Variants in LANCL3 observed in about 807,000 individuals in gnomAD.
The protein encoded by LANCL3 is lanC-like protein 3.
LANCL3 carries 19 observed loss-of-function variants against 26.5 expected under a neutral mutation model. That is an observed-to-expected ratio of 0.72 (90% CI 0.50 to 1.05). LANCL3 has a LOEUF of 1.05. Among genes scored for constraint, LANCL3 ranks in the 50% least tolerant of loss-of-function variants. LANCL3 has a pLI of 0.00. For missense variants in LANCL3, 318 were observed against 362.7 expected (o/e 0.88, Z 1.00); for synonymous variants, 160 against 166.6 (o/e 0.96, Z 0.30).
chrX:37,572,058 G>C lies in LANCL3; in HGVS notation c.188G>C (p.Gly63Ala), dbSNP rs1467442300. ...ACGGCGGGGGCTAGCGCCTGCCAGGGGGGGCTTTATGGCGGCGTGGCCGGA... is the reference window on the plus strand; with the variant it reads ...ACGGCGGGGGCTAGCGCCTGCCAGGCGGGGCTTTATGGCGGCGTGGCCGGA... Reference protein sequence around the residue: ...GATAGASACQGGLYGGVAGVA... With the variant: ...GATAGASACQAGLYGGVAGVA... Residue 63 changes from glycine (G) to alanine (A), a missense_variant, in exon 1 of 5, where the codon GGG (glycine) becomes GCG (alanine). Physicochemically the swap from Gly to Ala is moderately conservative, Grantham distance 60. Transcript: ENST00000378619. 2 of 1,181,594 alleles carry C rather than the reference G, an allele frequency of 1.7e-6. No individual in the cohort carries two copies. Among genetic ancestry groups the C allele is most frequent in the African/African-American group, 1.8e-5 (1 of 57,009 alleles).
chrX:37,639,258 C>CAT lies in LANCL3; in HGVS notation c.574-16422_574-16421dup, dbSNP rs782214661. Among the ~76,000 whole-genome samples, 5 of 100,382 alleles carry CAT rather than the reference C, an allele frequency of 5.0e-5. No individual in the cohort carries two copies. In the East Asian group the frequency reaches 9.5e-4, roughly 19 times the overall value. 87.2% of individuals were successfully genotyped at this position (100,382 alleles called of 115,157 possible). The stretch of plus-strand genomic sequence containing the variant: ...GTACCTACATACATATACACACATA[C>CAT]ATATATATACATACATGTATATATG... On this transcript the variant is annotated intron_variant, in intron 1 of 4. Coordinates refer to ENST00000378619, the MANE Select transcript of LANCL3 (RefSeq NM_001170331.2).
intron 1 of LANCL3, among the ~76,000 whole-genome samples, chrX:37,612,983 A>T (rs900041452): frequency 9.0e-6 from 1 of 110,695 alleles, no homozygotes; most frequent in Non-Finnish European, 1.9e-5. Flanking sequence ...GTTTCTATCA[A>T]TTTTTCTGCC....
chrX:37,633,229 C>G (rs1925589711), intron 1 of LANCL3, among the ~76,000 whole-genome samples: 1 of 110,678 alleles, frequency 9.0e-6, no homozygotes, highest in Non-Finnish European at 1.9e-5. Context: ...CACTGATACC[C>G]TTTCTTCCAG....
chrX:37,581,269 T>C (rs1923884985), intron 1 of LANCL3, among the ~76,000 whole-genome samples: 1 of 112,391 alleles, frequency 8.9e-6, no homozygotes, highest in Non-Finnish European at 1.9e-5. Flanking sequence ...ATACCAGCTC[T>C]CTGGTTTGTG....
chrX:37,647,584 C>T (rs1354981009), intron 1 of LANCL3, among the ~76,000 whole-genome samples: 1 of 112,065 alleles, frequency 8.9e-6, no homozygotes, highest in Non-Finnish European at 1.9e-5. Context: ...ATATCAGATT[C>T]TTACTCTGTT....
rs1327984629 is a variant in LANCL3 at position 37,681,758 on chromosome X, CTT to C, written c.*5947_*5948del. 2 of 111,445 alleles carry C rather than the reference CTT, an allele frequency of 1.8e-5. No individual in the cohort carries two copies. The highest frequency in any genetic ancestry group is 3.8e-5 in the Non-Finnish European group (2 of 53,105). 9.2% of individuals were successfully genotyped at this position (111,445 alleles called of 1,213,427 possible). On this transcript the variant is annotated 3_prime_UTR_variant, in exon 5 of 5. Coordinates refer to ENST00000378619, the MANE Select transcript of LANCL3 (RefSeq NM_001170331.2). Reference sequence around the variant, plus strand: ...CACAAGTGTCTCTCCATAAGAAAAACTTTGTGTTTTCCTCTCTTTCTCCACTC... The same window carrying C: ...CACAAGTGTCTCTCCATAAGAAAAACTGTGTTTTCCTCTCTTTCTCCACTC...
In LANCL3 at chrX:37,591,329, C is replaced by G. The variant is rs782033200; in HGVS notation, c.573+18886C>G. Reference sequence around the variant, plus strand: ...AGAATAGCCTGAACTCAACTCAACACTAGAAAGATTCAGGAATTAGAGGTT... The same window carrying G: ...AGAATAGCCTGAACTCAACTCAACAGTAGAAAGATTCAGGAATTAGAGGTT... On this transcript the variant is annotated intron_variant, in intron 1 of 4. Coordinates refer to ENST00000378619, the MANE Select transcript of LANCL3 (RefSeq NM_001170331.2). Among the ~76,000 whole-genome samples, 8 of 111,827 alleles carry G rather than the reference C, an allele frequency of 7.2e-5. No individual in the cohort carries two copies. In the South Asian group the frequency reaches 2.6e-3, roughly 37 times the overall value.
chrX:37,603,013 T>C (rs1273245807), intron 1 of LANCL3, among the ~76,000 whole-genome samples: 2 of 112,235 alleles, frequency 1.8e-5, no homozygotes, highest in East Asian at 5.6e-4. Flanking sequence ...AGACAAACTT[T>C]AATTTAGTTT....
intron 1 of LANCL3, among the ~76,000 whole-genome samples, chrX:37,610,306 C>G (rs1353181634): frequency 9.0e-6 from 1 of 111,674 alleles, no homozygotes; most frequent in Non-Finnish European, 1.9e-5. Flanking sequence ...AGCAAAAGTG[C>G]ATGACATTTC....
rs1046945617 is a variant in LANCL3 at position 37,682,767 on chromosome X, T to C, written c.*6954T>C. 11 of 112,280 alleles carry C rather than the reference T, an allele frequency of 9.8e-5. No individual in the cohort carries two copies. Among genetic ancestry groups the C allele is most frequent in the East Asian group, 8.3e-4 (3 of 3,618 alleles). The allele number at this position is 112,280 out of a possible 1,213,427, so 9.3% of individuals were successfully genotyped here. On this transcript the variant is annotated 3_prime_UTR_variant, in exon 5 of 5. Coordinates refer to ENST00000378619, the MANE Select transcript of LANCL3 (RefSeq NM_001170331.2). Reference sequence around the variant, plus strand: ...TACTGTAGCAGCAGTAGAATCCCTATGTTCTTGAAAATGCAAAATGTAACA... The same window carrying C: ...TACTGTAGCAGCAGTAGAATCCCTACGTTCTTGAAAATGCAAAATGTAACA...
At chrX:37,582,876 C>T (rs1175867419) in intron 1 of LANCL3, among the ~76,000 whole-genome samples, 4 of 112,083 alleles carry the variant, frequency 3.6e-5, no homozygotes, top group Non-Finnish European at 3.8e-5. Context: ...GTGTTTTAGA[C>T]ATGAAGTCCT....
In LANCL3 at chrX:37,572,055, AG is replaced by A. The variant is rs782221297; in HGVS notation, c.192del (p.Leu65PhefsTer129). ...GCGACGGCGGGGGCTAGCGCCTGCC[AG>A]GGGGGGCTTTATGGCGGCGTGGCCG... ...RGATAGASAC[Q>X]GGLYGGVAGV... On this transcript the variant is annotated frameshift_variant, in exon 1 of 5. Coordinates refer to ENST00000378619, the MANE Select transcript of LANCL3 (RefSeq NM_001170331.2). LOFTEE classifies it high-confidence loss of function. The A allele has an allele frequency of 2.1e-5, 25 of 1,179,136 alleles. No individual in the cohort carries two copies. Among genetic ancestry groups the A allele is most frequent in the South Asian group, 1.8e-5 (1 of 54,280 alleles).
Position 37,642,523 on chromosome X carries a change from G to T in LANCL3, c.574-13165G>T, listed in dbSNP as rs781953403. ...CATAGCTGCAGAATGCAAATTGGCT[G>T]CTACTACTTCAGGCCTCACATATAT... is the stretch of plus-strand genomic sequence containing the variant. On this transcript the variant is annotated intron_variant, in intron 1 of 4. Transcript: ENST00000378619. Among the ~76,000 whole-genome samples the T allele has an allele frequency of 9.9e-5, 11 of 111,476 alleles. 1 individual carries two copies. Among genetic ancestry groups the T allele is most frequent in the Admixed American group, 1.9e-4 (2 of 10,499 alleles).
chrX:37,592,580 G>T (rs1392609156), intron 1 of LANCL3, among the ~76,000 whole-genome samples: 1 of 111,693 alleles, frequency 9.0e-6, no homozygotes, highest in East Asian at 2.8e-4. Context: ...TTATTGAAAG[G>T]ACTGTTGAGA....
At chrX:37,574,523 A>G (rs1224248867) in intron 1 of LANCL3, among the ~76,000 whole-genome samples, 1 of 111,986 alleles carries the variant, frequency 8.9e-6, no homozygotes, top group African/African-American at 3.3e-5. Context: ...TATTGGGATT[A>G]GTGCAATATA....
intron 1 of LANCL3, among the ~76,000 whole-genome samples, chrX:37,619,899 A>G (rs1428315004): frequency 1.8e-5 from 2 of 112,093 alleles, no homozygotes; most frequent in Admixed American, 1.9e-4. Context: ...GCTTTTCTCT[A>G]TCCCAATCTA....
rs1369249277 is a variant in LANCL3 at position 37,682,745 on chromosome X, T to C, written c.*6932T>C. ...AATATTAAAGATGTCTTTTGAATAC[T>C]GTAGCAGCAGTAGAATCCCTATGTT... On this transcript the variant is annotated 3_prime_UTR_variant, in exon 5 of 5. Coordinates refer to ENST00000378619, the MANE Select transcript of LANCL3 (RefSeq NM_001170331.2). 8.9e-6 allele frequency: 1 copy of C among 112,450 alleles called. No homozygotes were observed. Among genetic ancestry groups the C allele is most frequent in the Non-Finnish European group, 1.9e-5 (1 of 53,325 alleles). The allele number at this position is 112,450 out of a possible 1,213,427, so 9.3% of individuals were successfully genotyped here. A position where few individuals can be genotyped will look rare whatever the true frequency, so the allele number is the denominator to read the frequency against.
intron 1 of LANCL3, among the ~76,000 whole-genome samples, chrX:37,628,372 G>C (rs1556423446): frequency 9.0e-6 from 1 of 110,914 alleles, no homozygotes; most frequent in African/African-American, 3.3e-5. Flanking sequence ...GAAAGGCTCA[G>C]AACTATCCTA....
Position 37,627,727 on chromosome X carries a change from T to C in LANCL3, c.574-27961T>C, listed in dbSNP as rs138767784. Among the ~76,000 whole-genome samples, 816 of 111,954 alleles carry C rather than the reference T, an allele frequency of 7.3e-3. 10 individuals carry two copies. Among genetic ancestry groups the C allele is most frequent in the African/African-American group, 0.025 (760 of 30,772 alleles). Reference sequence around the variant, plus strand: ...GAATCTGTCATAGCCAGGAACAGCTTACTCCTGTATTCCACTGAGGTCTAT... The same window carrying C: ...GAATCTGTCATAGCCAGGAACAGCTCACTCCTGTATTCCACTGAGGTCTAT... On this transcript the variant is annotated intron_variant, in intron 1 of 4. Coordinates refer to ENST00000378619, the MANE Select transcript of LANCL3 (RefSeq NM_001170331.2).
Sources: allele counts gnomAD v4.1 joint callset (sites outside exome capture counted in the v4.1 genomes callset), GRCh38; gene constraint gnomAD v4.1.1; transcripts MANE v1.5; gene names NCBI Gene and HGNC (gene_info 2026-07-23, HGNC 2026-07-21).